The following SUN2 variants were observed in gnomAD, a reference collection of about 807,000 sequenced individuals.
SUN2 encodes the protein SUN domain-containing protein 2.
Under a neutral mutation model 100.0 loss-of-function variants are expected in SUN2, and 60 were observed. The ratio of observed to expected loss-of-function variants is 0.60; its 90% confidence interval spans 0.49 to 0.74. The LOEUF (loss-of-function observed/expected upper bound fraction) is 0.74, where lower values mean the gene tolerates loss of function less well. Among genes scored for constraint, SUN2 ranks in the 30% least tolerant of loss-of-function variants. SUN2 has a pLI of 0.00. For synonymous variants in SUN2, 367 were observed against 403.3 expected, an observed-to-expected ratio of 0.91 and a Z score of 1.08; for missense variants, 834 against 954.6, an observed-to-expected ratio of 0.87 and a Z score of 1.66.
At chr22:38,751,576 G>T in intron 2 of SUN2, 1 of 583,676 alleles carries the variant, frequency 1.7e-6, no homozygotes, top group East Asian at 3.0e-5. Flanking sequence ...CAGCAGATGG[G>T]CAAGACGGGC....
At position 38,738,820 on chromosome 22, in the gene SUN2, A is replaced by C. The variant is rs192972586; in HGVS notation, c.1779+53T>G. On this transcript the variant is annotated intron_variant, in intron 15 of 17. Coordinates refer to ENST00000689035, the MANE Select transcript of SUN2 (RefSeq NM_015374.3). The surrounding 1 kb of genome is among the most constrained non-coding windows in gnomAD (Gnocchi z 6.6). ...CCAGCTCTTGCTGACCCCAGATGGG[A>C]CCAGCCCTCAGTGTGCTCAGAGCCC... is the stretch of plus-strand genomic sequence containing the variant. 1.5e-4 allele frequency: 236 copies of C among 1,597,254 alleles called. No homozygotes were observed. In the African/African-American group the frequency reaches 2.8e-3, roughly 19 times the overall value.
intron 10 of SUN2, 110 bp from the exon 11 acceptor site, chr22:38,741,160 G>T: frequency 8.0e-7 from 1 of 1,257,104 alleles, no homozygotes; most frequent in Non-Finnish European, 1.1e-6. Context: ...CCCTGCCCAA[G>T]GTCTCTTGAC....
chr22:38,738,595 C>T lies in SUN2; in HGVS notation c.1939G>A (p.Ala647Thr), dbSNP rs749732277. 5.0e-6 allele frequency: 8 copies of T among 1,612,598 alleles called. No homozygotes were observed. Among genetic ancestry groups the T allele is most frequent in the Admixed American group, 1.7e-5 (1 of 60,004 alleles). ...STISSAPKDFAIFGFDEDLQQ... is the reference protein window; with the variant it reads ...STISSAPKDFTIFGFDEDLQQ... ...ACAGGACAGATACTCACAAAGATGGCGAAGTCCTTGGGGGCACTGGAGATA... is the reference window on the plus strand; with the variant it reads ...ACAGGACAGATACTCACAAAGATGGTGAAGTCCTTGGGGGCACTGGAGATA... The change falls in exon 16 of 18, where the codon GCC becomes ACC. Residue 647 changes from alanine to threonine, a missense_variant. This residue lies in a region of SUN2 where 195 missense variants were observed against 280.2 expected (regional missense o/e 0.70). Coordinates refer to ENST00000689035, the MANE Select transcript of SUN2 (RefSeq NM_015374.3). This position sits in a 1 kb window ranked among gnomAD's most constrained non-coding sequence, Gnocchi z 6.6.
At position 38,749,768 on chromosome 22, in the gene SUN2, G is replaced by A. The variant is rs1410908669; in HGVS notation, c.612C>T (p.Thr204=). 1 of 1,614,030 alleles carries A rather than the reference G, an allele frequency of 6.2e-7. No individual in the cohort carries two copies. Residue 204 remains threonine, a splice_region_variant and synonymous_variant, in exon 6 of 18, where the codon ACC becomes ACT. Transcript: ENST00000689035. ...GGCAAGGGTGGAGTCTCGCTCACCT[G>A]GTTAAAACGAAGACGTCAAGGAGGG... The part of the protein sequence containing the change: ...AASLLDVFVL[T]RRFSSLKTFL...
In SUN2 at chr22:38,755,666, G is replaced by C. The variant is rs1466606238; in HGVS notation, c.-38+97C>G. On this transcript the variant is annotated intron_variant, in intron 1 of 17. Transcript: ENST00000689035. The surrounding 1 kb of genome is among the most constrained non-coding windows in gnomAD (Gnocchi z 5.7). ...GCACGTCCCGGAGAGGAGGAAGCAG[G>C]CCTGGCGGCGCGGCCCCGCCCGAGT... The C allele has an allele frequency of 2.1e-6, 2 of 974,870 alleles. No homozygotes were observed. The allele number at this position is 974,870 out of a possible 1,614,324, so 60.4% of individuals were successfully genotyped here. A position where few individuals can be genotyped will look rare whatever the true frequency, so the allele number is the denominator to read the frequency against.
chr22:38,745,261 C>A, intron 8 of SUN2: 1 of 460,652 alleles, frequency 2.2e-6, no homozygotes, highest in Non-Finnish European at 4.5e-6. Context: ...CCCCCCCAGC[C>A]AACTGCAGAC....
chr22:38,752,750 C>T (rs1036456167), intron 1 of SUN2, 85 bp from the exon 2 acceptor site: 2 of 1,444,694 alleles, frequency 1.4e-6, no homozygotes, highest in African/African-American at 2.8e-5. Context: ...AGAGGCATCG[C>T]CTCACAGCCG....
In SUN2 at chr22:38,745,721, T is replaced by C; in HGVS notation, c.776A>G (p.Glu259Gly). ...WAAKDSRRPDEGWEARDSSPH... is the reference protein window; with the variant it reads ...WAAKDSRRPDGGWEARDSSPH... ...CGATGAGTCTCTGGCTTCCCAGCCC[T>C]CATCCGGCCTCCTGCTGTCCTTCGC... Residue 259 changes from glutamate (E) to glycine (G), a missense_variant, in exon 8 of 18, where the codon GAG becomes GGG. By Grantham distance (98) the Glu-to-Gly change is moderately conservative. Around this residue, in one of 3 missense-constraint regions of SUN2, gnomAD observed 559 missense variants for 597.7 expected, o/e 0.94. Coordinates refer to ENST00000689035, the MANE Select transcript of SUN2 (RefSeq NM_015374.3). 6.2e-7 allele frequency: 1 copy of C among 1,613,956 alleles called. No individual in the cohort carries two copies. Among genetic ancestry groups the C allele is most frequent in the Non-Finnish European group, 8.5e-7 (1 of 1,180,004 alleles).
intron 17 of SUN2, 200 bp from the exon 18 acceptor site, chr22:38,736,580 A>G: frequency 2.2e-6 from 1 of 444,462 alleles, no homozygotes. Context: ...TTAAGGGGCC[A>G]CCTGTAGCAC....
chr22:38,741,379 C>A, intron 10 of SUN2, 115 bp downstream of exon 10: 1 of 1,095,008 alleles, frequency 9.1e-7, no homozygotes. Flanking sequence ...GAGGGCACTC[C>A]CCTCCCCATG....
At position 38,755,641 on chromosome 22, in the gene SUN2, G is replaced by A; in HGVS notation, c.-38+122C>T. ...CCGGGTGGAGGCTGGATCCGGCCCAGCACGTCCCGGAGAGGAGGAAGCAGG... is the reference window on the plus strand; with the variant it reads ...CCGGGTGGAGGCTGGATCCGGCCCAACACGTCCCGGAGAGGAGGAAGCAGG... On this transcript the variant is annotated intron_variant, in intron 1 of 17. Transcript: ENST00000689035. The surrounding 1 kb of genome is among the most constrained non-coding windows in gnomAD (Gnocchi z 5.7). The A allele has an allele frequency of 1.0e-6, 1 of 956,666 alleles. No individual in the cohort carries two copies. The highest frequency in any genetic ancestry group is 1.2e-6 in the Non-Finnish European group (1 of 803,662). The allele number at this position is 956,666 out of a possible 1,614,324, so 59.3% of individuals were successfully genotyped here. A position where few individuals can be genotyped will look rare whatever the true frequency, so the allele number is the denominator to read the frequency against.
chr22:38,746,255 C>T (rs748061400), intron 7 of SUN2, among the ~76,000 whole-genome samples: 6 of 152,134 alleles, frequency 3.9e-5, no homozygotes, highest in Non-Finnish European at 7.4e-5. Flanking sequence ...TGTAAAGCTT[C>T]CTGGTGACTG....
chr22:38,747,474 TAAAA>T (rs1045271674), intron 7 of SUN2, among the ~76,000 whole-genome samples: 1 of 152,098 alleles, frequency 6.6e-6, no homozygotes, highest in Non-Finnish European at 1.5e-5. Context: ...CTGTTATTAA[TAAAA>T]GAAATACAAG....
At chr22:38,754,801 T>G in intron 1 of SUN2, 1 of 1,283,710 alleles carries the variant, frequency 7.8e-7, no homozygotes, top group South Asian at 1.2e-5. Context: ...GAGCGGGGAG[T>G]GCTGAAAACT....
In SUN2 at chr22:38,750,892, G is replaced by A. The variant is rs199843484; in HGVS notation, c.424+6C>T. ...ATCTGCTCAGGAGGGAGGAAGCATC[G>A]CCTACCCACGTAGTCGTCCTCAGAG... On this transcript the variant is annotated splice_donor_region_variant and intron_variant, in intron 4 of 17. Coordinates refer to ENST00000689035, the MANE Select transcript of SUN2 (RefSeq NM_015374.3). The A allele has an allele frequency of 1.4e-3, 2,308 of 1,613,924 alleles. 3 individuals are homozygous for A. Among genetic ancestry groups the A allele is most frequent in the Non-Finnish European group, 1.8e-3 (2,134 of 1,179,990 alleles).
rs2092976580 is a variant in SUN2 at position 38,755,204 on chromosome 22, C to A, written c.-38+559G>T. The A allele has an allele frequency of 2.5e-6, 3 of 1,180,300 alleles. No individual in the cohort carries two copies. The highest frequency in any genetic ancestry group is 3.2e-6 in the Non-Finnish European group (3 of 935,492). 73.1% of individuals were successfully genotyped at this position (1,180,300 alleles called of 1,614,324 possible). ...CCACTCCCTGGGCACAGCCAGGCCA[C>A]ACGCCCTTGTGGGACCTGCCAAACG... On this transcript the variant is annotated intron_variant, in intron 1 of 17. Transcript: ENST00000689035. The surrounding 1 kb of genome is among the most constrained non-coding windows in gnomAD (Gnocchi z 5.7).
At position 38,736,189 on chromosome 22, in the gene SUN2, G is replaced by A. The variant is rs760038731; in HGVS notation, c.*78C>T. 16 of 1,370,558 alleles carry A rather than the reference G, an allele frequency of 1.2e-5. No homozygotes were observed. Among genetic ancestry groups the A allele is most frequent in the African/African-American group, 2.9e-5 (2 of 69,920 alleles). The allele number at this position is 1,370,558 out of a possible 1,614,324, so 84.9% of individuals were successfully genotyped here. A position where few individuals can be genotyped will look rare whatever the true frequency, so the allele number is the denominator to read the frequency against. ...TTGTGCTCCTAGAAGTCAGAGCGCC[G>A]AGCAAGCGTGTGGGGGAAGCGGCGG... is the stretch of plus-strand genomic sequence containing the variant. On this transcript the variant is annotated 3_prime_UTR_variant, in exon 18 of 18. Coordinates refer to ENST00000689035, the MANE Select transcript of SUN2 (RefSeq NM_015374.3).
intron 2 of SUN2, among the ~76,000 whole-genome samples, chr22:38,751,908 T>C (rs1315117268): frequency 6.6e-6 from 1 of 152,210 alleles, no homozygotes; most frequent in Admixed American, 6.5e-5. Flanking sequence ...GCCTGCAGTT[T>C]TGGGGTTTCC....
At chr22:38,754,864 T>A in intron 1 of SUN2, 1 of 1,289,176 alleles carries the variant, frequency 7.8e-7, no homozygotes, top group Non-Finnish European at 1.0e-6. Flanking sequence ...TCTCAGTCTT[T>A]CCTGCGGCAT....
Sources: gnomAD v4.1 joint callset for allele counts (sites outside exome capture counted in the v4.1 genomes callset) on GRCh38, gnomAD v4.1.1 for gene constraint, gnomAD v4.1.1 regional missense constraint, Gnocchi (gnomAD v3.1) non-coding constraint, MANE v1.5 for transcripts, NCBI Gene and HGNC (gene_info 2026-07-23, HGNC 2026-07-21) for gene names.